The following BPIFA2 variants were observed in gnomAD, a reference collection of about 807,000 sequenced individuals.
The protein encoded by BPIFA2 is BPI fold containing family A member 2.
Under a neutral mutation model 25.7 loss-of-function variants are expected in BPIFA2, and 20 were observed. That is an observed-to-expected ratio of 0.78 (90% CI 0.55 to 1.13). BPIFA2 has a LOEUF of 1.13. BPIFA2 is among the 50% of genes most tolerant of loss of function. The probability of loss-of-function intolerance (pLI) is 0.00; values close to 1 mark genes in which losing one functional copy is unlikely to be tolerated. For synonymous variants in BPIFA2, 126 were observed against 124.3 expected (o/e 1.01, Z -0.09); for missense variants, 300 against 298.1 (o/e 1.01, Z -0.05).
intron 5 of BPIFA2, among the ~76,000 whole-genome samples, chr20:33,176,551 G>A (rs1240892432): frequency 1.3e-5 from 2 of 152,208 alleles, no homozygotes; most frequent in African/African-American, 2.4e-5. Flanking sequence ...TGCGAAGGCC[G>A]GGGTGTAAAT....
intron 2 of BPIFA2, among the ~76,000 whole-genome samples, chr20:33,169,682 T>C (rs560893451): frequency 3.3e-5 from 5 of 152,376 alleles, no homozygotes; most frequent in African/African-American, 1.2e-4. Flanking sequence ...GTCTCACAGA[T>C]GAAAAGCTAT....
At chr20:33,172,817 A>C in intron 2 of BPIFA2, 115 bp from the exon 3 acceptor site, 1 of 1,155,634 alleles carries the variant, frequency 8.7e-7, no homozygotes, top group Non-Finnish European at 1.2e-6. Flanking sequence ...TACTTCACTG[A>C]GTTGTTATAA....
At chr20:33,180,849 T>C (rs6120141) in intron 8 of BPIFA2, among the ~76,000 whole-genome samples, 19,484 of 152,184 alleles carry the variant, frequency 0.13, 2,931 homozygotes, top group African/African-American at 0.37. Context: ...TGCCAGTTAT[T>C]GACTGAGCCT....
chr20:33,174,547 C>G (rs1568608705), intron 4 of BPIFA2, among the ~76,000 whole-genome samples: 1 of 152,196 alleles, frequency 6.6e-6, no homozygotes, highest in Non-Finnish European at 1.5e-5. Context: ...GCAGTGACCA[C>G]TACAGAAAAA....
chr20:33,175,833 G>T (rs1202798826), intron 5 of BPIFA2, among the ~76,000 whole-genome samples: 1 of 152,038 alleles, frequency 6.6e-6, no homozygotes, highest in African/African-American at 2.4e-5. Flanking sequence ...CAAATATTTA[G>T]CACGCAGCCT....
chr20:33,162,024 A>T (rs1983596812), intron 1 of BPIFA2: 1 of 152,002 alleles, frequency 6.6e-6, no homozygotes, highest in Non-Finnish European at 1.5e-5. Context: ...TCCGTCGCCG[A>T]GGTTGGAGTA....
chr20:33,173,109 T>C, intron 3 of BPIFA2, 33 bp downstream of exon 3: 1 of 1,603,790 alleles, frequency 6.2e-7, no homozygotes, highest in Middle Eastern at 1.7e-4. Flanking sequence ...AGATCTTTGC[T>C]CTAAGGAAAG....
chr20:33,166,415 A>G (rs1010316609), upstream of BPIFA2, among the ~76,000 whole-genome samples: 1 of 152,308 alleles, frequency 6.6e-6, no homozygotes, highest in Admixed American at 6.5e-5. Flanking sequence ...ATATGCGCAC[A>G]TATTCATCAG....
upstream of BPIFA2, among the ~76,000 whole-genome samples, chr20:33,165,236 T>G (rs1275541707): frequency 2.0e-5 from 3 of 152,262 alleles, no homozygotes; most frequent in Non-Finnish European, 4.4e-5. Flanking sequence ...CCAGAATTCC[T>G]GAGTAGGCAG....
At chr20:33,164,349 C>T (rs536061994), upstream of BPIFA2, among the ~76,000 whole-genome samples, 14 of 152,196 alleles carry the variant, frequency 9.2e-5, 1 homozygote, top group South Asian at 8.3e-4. Context: ...CCAGAGAGCT[C>T]GCTCATGTCA....
intron 1 of BPIFA2, among the ~76,000 whole-genome samples, chr20:33,168,671 C>T (rs987286239): frequency 1.3e-5 from 2 of 152,152 alleles, no homozygotes; most frequent in African/African-American, 4.8e-5. Context: ...AAGGAGTTCA[C>T]AGCCTGGTAG....
rs1983953970 is a variant in BPIFA2 at position 33,173,032 on chromosome 20, C to A, written c.258C>A (p.Asn86Lys). 1.2e-6 allele frequency: 2 copies of A among 1,614,036 alleles called. No homozygotes were observed. The highest frequency in any genetic ancestry group is 1.7e-6 in the Non-Finnish European group (2 of 1,180,006). ...QKAQEAEKLL[N>K]NVISKLLPTN... is the part of the protein sequence containing the mutation. The stretch of plus-strand genomic sequence containing the variant: ...CCCAGGAAGCTGAGAAATTGCTGAA[C>A]AATGTCATTTCTAAGCTGCTTCCAA... The change falls in exon 3 of 9, where the codon AAC becomes AAA. Residue 86 changes from asparagine (N) to lysine (K), a missense_variant. Transcript: ENST00000354932.
At chr20:33,164,707 T>C (rs994034692), upstream of BPIFA2, among the ~76,000 whole-genome samples, 1 of 151,824 alleles carries the variant, frequency 6.6e-6, no homozygotes, top group Admixed American at 6.6e-5. Flanking sequence ...TTTCCTTTCT[T>C]TCCTGCCACA....
chr20:33,176,475 G>A (rs1984080969), intron 5 of BPIFA2, among the ~76,000 whole-genome samples: 1 of 152,224 alleles, frequency 6.6e-6, no homozygotes, highest in Admixed American at 6.5e-5. Flanking sequence ...TGCACTGAGG[G>A]ATCTGAACAC....
At chr20:33,166,273 T>G (rs957862891), upstream of BPIFA2, among the ~76,000 whole-genome samples, 77 of 152,276 alleles carry the variant, frequency 5.1e-4, 3 homozygotes, top group Non-Finnish European at 5.9e-5. Context: ...CGCCTCGGCC[T>G]CCCAAAGTGC....
chr20:33,176,666 A>C (rs148431077), intron 5 of BPIFA2, among the ~76,000 whole-genome samples: 2,001 of 152,264 alleles, frequency 0.013, 52 homozygotes, highest in Middle Eastern at 0.044. Context: ...CACCACTCTG[A>C]GGCTCCAGAT....
At chr20:33,164,648 C>T (rs7273913), upstream of BPIFA2, among the ~76,000 whole-genome samples, 8 of 151,606 alleles carry the variant, frequency 5.3e-5, no homozygotes, top group Non-Finnish European at 1.5e-5. Flanking sequence ...TCTTTCCCTC[C>T]CTCTCTCTTT....
intron 6 of BPIFA2, 75 bp downstream of exon 6, chr20:33,178,303 A>G (rs778625003): frequency 1.7e-5 from 20 of 1,169,714 alleles, no homozygotes; most frequent in Non-Finnish European, 2.5e-5. Flanking sequence ...GCCTGGCTGT[A>G]TCCTCTGAGC....
At chr20:33,167,954 C>T (rs1453927659), upstream of BPIFA2, among the ~76,000 whole-genome samples, 2 of 152,332 alleles carry the variant, frequency 1.3e-5, no homozygotes, top group African/African-American at 2.4e-5. Context: ...TTAGTCTTGG[C>T]GGAAAGCCCT....
Sources: gnomAD v4.1 joint callset for allele counts (sites outside exome capture counted in the v4.1 genomes callset) on GRCh38, gnomAD v4.1.1 for gene constraint, MANE v1.5 for transcripts, NCBI Gene and HGNC (gene_info 2026-07-23, HGNC 2026-07-21) for gene names.